Variants in AMMECR1 observed in about 807,000 individuals in gnomAD.
The protein encoded by AMMECR1 is nuclear protein AMMECR1.
AMMECR1 carries 3 observed loss-of-function variants against 22.5 expected under a neutral mutation model. That is an observed-to-expected ratio of 0.13 (90% confidence interval 0.06 to 0.35). AMMECR1 has a LOEUF of 0.35. AMMECR1 is among the 10% of genes least tolerant of loss of function. AMMECR1 has a pLI of 1.00. For synonymous variants in AMMECR1, 130 were observed against 116.7 expected (o/e 1.11, Z -0.74); for missense variants, 235 against 278.7 (o/e 0.84, Z 1.12).
intron 3 of AMMECR1, among the ~76,000 whole-genome samples, chrX:110,204,219 TC>T (rs1005285459): frequency 1.8e-5 from 2 of 111,565 alleles, no homozygotes; most frequent in African/African-American, 6.5e-5. Flanking sequence ...ATCAGATTCC[TC>T]ATAATTTGTT....
intron 2 of AMMECR1, among the ~76,000 whole-genome samples, chrX:110,329,453 T>TA (rs957322027): frequency 1.4e-4 from 16 of 111,784 alleles, no homozygotes; most frequent in East Asian, 5.5e-4. Context: ...CTTCTCACCT[T>TA]AAAAAAATGA....
At chrX:110,438,516 C>T (rs1317062796) in intron 1 of AMMECR1, among the ~76,000 whole-genome samples, 1 of 111,526 alleles carries the variant, frequency 9.0e-6, no homozygotes, top group East Asian at 2.8e-4. Flanking sequence ...ATCATTTTCT[C>T]AGAGCTCCTT....
intron 3 of AMMECR1, among the ~76,000 whole-genome samples, chrX:110,213,562 G>A (rs936556340): frequency 8.9e-6 from 1 of 112,212 alleles, no homozygotes; most frequent in Non-Finnish European, 1.9e-5. Flanking sequence ...GTGCTGTTAT[G>A]AACATTCATG....
chrX:110,353,467 G>A lies in AMMECR1; in HGVS notation c.-147-35618C>T, dbSNP rs752367143. ...TTATTGCTATAAACTTCCCTCCTAC[G>A]ACTACTTTTGCTGCATCCCATAAGT... On this transcript the variant is annotated intron_variant, in intron 2 of 7. Transcript: ENST00000372057. Among the ~76,000 whole-genome samples, 5 of 111,039 alleles carry A rather than the reference G, an allele frequency of 4.5e-5. No homozygotes were observed. The East Asian group carries it at 8.5e-4, about 19-fold the overall frequency.
chrX:110,435,530 A>C (rs1413497579), intron 1 of AMMECR1, among the ~76,000 whole-genome samples: 4 of 111,907 alleles, frequency 3.6e-5, no homozygotes, highest in Non-Finnish European at 7.5e-5. Flanking sequence ...ATAATCCCCA[A>C]ATCTATAGCA....
At chrX:110,381,173 T>C (rs947034142) in intron 2 of AMMECR1, among the ~76,000 whole-genome samples, 1 of 111,797 alleles carries the variant, frequency 8.9e-6, no homozygotes, top group African/African-American at 3.3e-5. Flanking sequence ...AAAATATTCA[T>C]AAACTATGCA....
chrX:110,210,294 C>T (rs1000371164), intron 3 of AMMECR1, among the ~76,000 whole-genome samples: 1 of 109,383 alleles, frequency 9.1e-6, no homozygotes, highest in South Asian at 4.0e-4. Context: ...CAAGAAAGGA[C>T]TAATCTTAAT....
At chrX:110,319,588 G>A (rs1180696247), upstream of AMMECR1, among the ~76,000 whole-genome samples, 3 of 112,074 alleles carry the variant, frequency 2.7e-5, no homozygotes, top group African/African-American at 6.5e-5. Flanking sequence ...AGCTATTATA[G>A]TATGTATTGA....
chrX:110,231,880 A>G (rs184383306), intron 2 of AMMECR1, among the ~76,000 whole-genome samples: 1 of 111,485 alleles, frequency 9.0e-6, no homozygotes, highest in East Asian at 2.8e-4. Flanking sequence ...TCTCTGATAA[A>G]TCAGATTTTA....
At chrX:110,277,667 C>T (rs891593825) in intron 1 of AMMECR1, among the ~76,000 whole-genome samples, 4 of 111,889 alleles carry the variant, frequency 3.6e-5, no homozygotes, top group African/African-American at 1.3e-4. Context: ...TATAAAATGA[C>T]TCAACCAATT....
Position 110,202,510 on chromosome X carries a change from T to G in AMMECR1, c.726A>C (p.Glu242Asp). 3 of 1,208,260 alleles carry G rather than the reference T, an allele frequency of 2.5e-6. No homozygotes were observed. The highest frequency in any genetic ancestry group is 3.4e-6 in the Non-Finnish European group (3 of 892,531). The change falls in exon 4 of 6, where the codon GAA becomes GAC. Residue 242 changes from glutamate to aspartate, a missense_variant. Coordinates refer to ENST00000262844, the MANE Select transcript of AMMECR1 (RefSeq NM_015365.3). ...GTTTTGATCCTTTTTCATTGATGAA[T>G]TCTATTCTAATGCCATGTACACCCA... ...WEVGVHGIRIEFINEKGSKRT... is the reference protein window; with the variant it reads ...WEVGVHGIRIDFINEKGSKRT...
At chrX:110,396,521 TC>T (rs2068529663) in intron 2 of AMMECR1, among the ~76,000 whole-genome samples, 1 of 112,203 alleles carries the variant, frequency 8.9e-6, no homozygotes, top group South Asian at 3.7e-4. Flanking sequence ...CTACTTTCTT[TC>T]CCAGTCCCCA....
intron 2 of AMMECR1, among the ~76,000 whole-genome samples, chrX:110,229,715 G>A (rs772298182): frequency 4.5e-5 from 5 of 112,135 alleles, no homozygotes; most frequent in South Asian, 3.7e-4. Context: ...TGACTCACCC[G>A]GGAAGCGCAA....
At chrX:110,227,412 G>A (rs1383373455) in intron 2 of AMMECR1, among the ~76,000 whole-genome samples, 1 of 111,700 alleles carries the variant, frequency 9.0e-6, no homozygotes, top group Admixed American at 9.5e-5. Context: ...GGTAACTAAA[G>A]AAAAGAATGA....
At chrX:110,340,408 A>C (rs2148238237) in intron 2 of AMMECR1, among the ~76,000 whole-genome samples, 1 of 112,304 alleles carries the variant, frequency 8.9e-6, no homozygotes, top group Non-Finnish European at 1.9e-5. Context: ...TATTTTAAAT[A>C]TATGCAGGTG....
intron 2 of AMMECR1, among the ~76,000 whole-genome samples, chrX:110,417,465 C>T (rs147630366): frequency 0.08 from 8,931 of 112,030 alleles, 812 homozygotes; most frequent in African/African-American, 0.26. Flanking sequence ...TAGGGGTGTG[C>T]AGACGCAAAT....
chrX:110,267,590 A>G (rs2067776753), intron 1 of AMMECR1, among the ~76,000 whole-genome samples: 1 of 111,310 alleles, frequency 9.0e-6, no homozygotes. Context: ...ATGTTTTTAA[A>G]ATACCATGAT....
At position 110,302,404 on chromosome X, in the gene AMMECR1, A is replaced by G. The variant is rs141405540; in HGVS notation, c.473+15195T>C. Among the ~76,000 whole-genome samples the G allele has an allele frequency of 5.3e-3, 596 of 111,634 alleles. 3 individuals are homozygous for G. The highest frequency in any genetic ancestry group is 0.019 in the African/African-American group (580 of 30,664). On this transcript the variant is annotated intron_variant, in intron 1 of 5. Coordinates refer to ENST00000262844, the MANE Select transcript of AMMECR1 (RefSeq NM_015365.3). ...ATTCCCATCATTCTACCATCTCCCA[A>G]AAATGGAAAACCAGCAGGACCAGTA...
At chrX:110,244,389 T>C (rs2067648085) in intron 2 of AMMECR1, among the ~76,000 whole-genome samples, 1 of 111,595 alleles carries the variant, frequency 9.0e-6, no homozygotes, top group African/African-American at 3.3e-5. Flanking sequence ...TATTTCTCTG[T>C]CTCCTTACAT....
Sources: gnomAD v4.1 joint callset for allele counts (sites outside exome capture counted in the v4.1 genomes callset) on GRCh38, gnomAD v4.1.1 for gene constraint, MANE v1.5 for transcripts, NCBI Gene and HGNC (gene_info 2026-07-23, HGNC 2026-07-21) for gene names.